Variants in QSER1 observed in about 807,000 individuals in gnomAD.
QSER1 encodes glutamine and serine rich 1.
QSER1 carries 49 observed loss-of-function variants against 158.5 expected under a neutral mutation model. The ratio of observed to expected loss-of-function variants is 0.31; its 90% CI spans 0.25 to 0.39. The LOEUF (loss-of-function observed/expected upper bound fraction) is 0.39, where lower values mean the gene tolerates loss of function less well. QSER1 is among the 10% of genes least tolerant of loss of function. The probability of loss-of-function intolerance (pLI) is 1.00; values close to 1 mark genes in which losing one functional copy is unlikely to be tolerated. For missense variants in QSER1, 1,754 were observed against 2,010.3 expected, an observed-to-expected ratio of 0.87 and a Z score of 2.44; for synonymous variants, 650 against 715.5, an observed-to-expected ratio of 0.91 and a Z score of 1.46.
At chr11:32,965,968 CA>C (rs1852737740) in intron 8 of QSER1, among the ~76,000 whole-genome samples, 1 of 151,324 alleles carries the variant, frequency 6.6e-6, no homozygotes, top group Non-Finnish European at 1.5e-5. Context: ...CACACACACA[CA>C]CACACACACA....
In QSER1 at chr11:32,934,420, G is replaced by C. The variant is rs762960945; in HGVS notation, c.3162G>C (p.Gln1054His). 2 of 1,613,802 alleles carry C rather than the reference G, an allele frequency of 1.2e-6. No homozygotes were observed. The highest frequency in any genetic ancestry group is 1.1e-5 in the South Asian group (1 of 91,036). ...NINDTSLNGN[Q>H]VTVNLSPVPA... ...ATGATACTTCCTTAAATGGAAATCA[G>C]GTTACTGTGAACCTTTCACCAGTAC... Residue 1054 changes from glutamine (Q) to histidine (H), a missense_variant, in exon 4 of 13, where the codon CAG becomes CAC. By Grantham distance (24) the Gln-to-His change is conservative. This residue lies in a region of QSER1 where 1,707 missense variants were observed against 1,919.6 expected (regional missense o/e 0.89). Coordinates refer to ENST00000650167, the MANE Select transcript of QSER1 (RefSeq NM_001076786.3).
rs540394625 is a variant in QSER1 at position 32,956,919 on chromosome 11, G to T, written c.4751+798G>T. ...TTCCCAAGTAGCTGGGACTACAGGT[G>T]TGCACCACTGTGCCCAGCTAATTTT... On this transcript the variant is annotated intron_variant, in intron 7 of 12. Transcript: ENST00000650167. Among the ~76,000 whole-genome samples the T allele has an allele frequency of 1.6e-4, 25 of 152,130 alleles. No homozygotes were observed. The South Asian group carries it at 5.2e-3, about 32-fold the overall frequency.
chr11:32,973,405 G>A lies in QSER1; in HGVS notation c.5214G>A (p.Leu1738=). ...LHLDQSFKNA[L]ESFPELTIIT... Reference sequence around the variant, plus strand: ...GCTTCATTGTTTTCCAGAATGCTTTGGAAAGTTTTCCTGAACTAACAATAA... The same window carrying A: ...GCTTCATTGTTTTCCAGAATGCTTTAGAAAGTTTTCCTGAACTAACAATAA... Residue 1738 remains leucine, a synonymous_variant, in exon 11 of 13, where the codon TTG becomes TTA. Coordinates refer to ENST00000650167, the MANE Select transcript of QSER1 (RefSeq NM_001076786.3). 3.1e-6 allele frequency: 5 copies of A among 1,613,228 alleles called. No homozygotes were observed. Among genetic ancestry groups the A allele is most frequent in the Non-Finnish European group, 4.2e-6 (5 of 1,179,728 alleles).
chr11:32,935,510 T>TGC, intron 4 of QSER1, 75 bp downstream of exon 4: 1 of 1,134,766 alleles, frequency 8.8e-7, no homozygotes, highest in East Asian at 2.4e-5. Flanking sequence ...TTTTAAGCTT[T>TGC]TTTCACTTAA....
chr11:32,935,269 C>T lies in QSER1; in HGVS notation c.4011C>T (p.Gly1337=), dbSNP rs183189278. 1.0e-4 allele frequency: 166 copies of T among 1,613,710 alleles called. No individual in the cohort carries two copies. In the African/African-American group the frequency reaches 2.0e-3, roughly 19 times the overall value. ...TTPTPLVSET[G]GNSPSDKVDN... ...CCACACCTTTAGTGTCTGAAACTGG[C>T]GGTAACAGTCCATCAGATAAAGTTG... The change falls in exon 4 of 13, where the codon GGC becomes GGT. Residue 1337 remains glycine, a synonymous_variant. Coordinates refer to ENST00000650167, the MANE Select transcript of QSER1 (RefSeq NM_001076786.3).
At chr11:32,959,114 A>G (rs903318101) in intron 8 of QSER1, among the ~76,000 whole-genome samples, 1 of 152,230 alleles carries the variant, frequency 6.6e-6, no homozygotes, top group African/African-American at 2.4e-5. Flanking sequence ...TTAGTAGTGT[A>G]GTACAGAGGT....
At chr11:32,904,419 T>C (rs1290107565) in intron 1 of QSER1, among the ~76,000 whole-genome samples, 1 of 151,940 alleles carries the variant, frequency 6.6e-6, no homozygotes. Flanking sequence ...CTCTAACTCC[T>C]GACCTTGTGA....
At chr11:32,899,162 GT>G (rs1391491908) in intron 1 of QSER1, among the ~76,000 whole-genome samples, 1 of 152,174 alleles carries the variant, frequency 6.6e-6, no homozygotes, top group East Asian at 1.9e-4. Flanking sequence ...ACCCCTATGT[GT>G]TTTGCTGTTA....
chr11:32,961,239 G>C (rs963734612), intron 8 of QSER1, among the ~76,000 whole-genome samples: 1 of 152,116 alleles, frequency 6.6e-6, no homozygotes, highest in Non-Finnish European at 1.5e-5. Context: ...TTAGGAAAAG[G>C]AGGAGGATTT....
At chr11:32,970,275 T>C (rs542846460) in intron 10 of QSER1, among the ~76,000 whole-genome samples, 1 of 152,292 alleles carries the variant, frequency 6.6e-6, no homozygotes, top group South Asian at 2.1e-4. Flanking sequence ...CAAAATTAAA[T>C]GACACAAAAC....
chr11:32,894,158 G>A (rs1485067477), intron 1 of QSER1, among the ~76,000 whole-genome samples: 1 of 152,170 alleles, frequency 6.6e-6, no homozygotes, highest in South Asian at 2.1e-4. Context: ...TAAGGTCCGG[G>A]TGCATTATGT....
intron 4 of QSER1, among the ~76,000 whole-genome samples, chr11:32,940,069 C>T (rs1297393238): frequency 6.6e-6 from 1 of 151,064 alleles, no homozygotes; most frequent in African/African-American, 2.4e-5. Context: ...TCTCCCTATT[C>T]TCTTGATGCC....
rs1159288092 is a variant in QSER1, at chr11:32,973,432, T to G, written c.5241T>G (p.Ile1747Met). Residue 1747 changes from isoleucine (I) to methionine (M), a missense_variant, in exon 11 of 13, where the codon ATT (isoleucine) becomes ATG (methionine). By Grantham distance (10) the Ile-to-Met change is conservative. Around this residue, in one of 2 missense-constraint regions of QSER1, gnomAD observed 1,707 missense variants for 1,919.6 expected, o/e 0.89. Coordinates refer to ENST00000650167, the MANE Select transcript of QSER1 (RefSeq NM_001076786.3). ...AAAGTTTTCCTGAACTAACAATAAT[T>G]ACTCGAGATTCTAAAGCAAAGAGTG... Reference protein sequence around the residue: ...ALESFPELTIITRDSKAKSGG... With the variant: ...ALESFPELTIMTRDSKAKSGG... 6.2e-7 allele frequency: 1 copy of G among 1,613,810 alleles called. No homozygotes were observed. The highest frequency in any genetic ancestry group is 2.2e-5 in the East Asian group (1 of 44,846).
intron 4 of QSER1, among the ~76,000 whole-genome samples, chr11:32,943,999 C>T (rs1236542030): frequency 6.6e-6 from 1 of 151,478 alleles, no homozygotes; most frequent in African/African-American, 2.4e-5. Context: ...TCCATTTCTT[C>T]TAGATTTTCT....
intron 1 of QSER1, among the ~76,000 whole-genome samples, chr11:32,921,098 A>G (rs1304278111): frequency 6.6e-6 from 1 of 152,212 alleles, no homozygotes; most frequent in African/African-American, 2.4e-5. Flanking sequence ...AACAACCCAA[A>G]TGTCCATCAG....
chr11:32,900,633 A>G (rs1037609130), intron 1 of QSER1, among the ~76,000 whole-genome samples: 2 of 151,930 alleles, frequency 1.3e-5, no homozygotes, highest in Non-Finnish European at 2.9e-5. Flanking sequence ...AATTTCTCCA[A>G]CCTCATGTCA....
At chr11:32,949,981 A>G (rs1852395558) in intron 4 of QSER1, among the ~76,000 whole-genome samples, 1 of 151,726 alleles carries the variant, frequency 6.6e-6, no homozygotes, top group African/African-American at 2.4e-5. Context: ...CTCCTCCACC[A>G]CTCTAGGCAA....
At chr11:32,911,637 G>T (rs1851768275) in intron 1 of QSER1, among the ~76,000 whole-genome samples, 1 of 152,176 alleles carries the variant, frequency 6.6e-6, no homozygotes, top group Non-Finnish European at 1.5e-5. Flanking sequence ...GTTCTCGTGA[G>T]ATCTGACAAT....
intron 8 of QSER1, among the ~76,000 whole-genome samples, chr11:32,959,281 A>G (rs1852579646): frequency 1.3e-5 from 2 of 152,232 alleles, no homozygotes; most frequent in Admixed American, 6.5e-5. Flanking sequence ...GACAAAATCT[A>G]AAATATTTAC....
Sources: allele counts gnomAD v4.1 joint callset (sites outside exome capture counted in the v4.1 genomes callset), GRCh38; gene constraint gnomAD v4.1.1; regional missense constraint gnomAD v4.1.1; transcripts MANE v1.5; gene names NCBI Gene and HGNC (gene_info 2026-07-23, HGNC 2026-07-21).